CAST: variants seen among roughly 807,000 people sequenced by gnomAD.
CAST encodes the protein MIR583 host.
Under a neutral mutation model 119.6 loss-of-function variants are expected in CAST, and 76 were observed. The observed-to-expected ratio is 0.64, with a 90% CI of 0.53 to 0.77. The LOEUF is 0.77. CAST is among the 30% of genes least tolerant of loss of function. The probability of loss-of-function intolerance (pLI) is 0.00; values close to 1 mark genes in which losing one functional copy is unlikely to be tolerated. For missense variants in CAST, 953 were observed against 946.5 expected, an observed-to-expected ratio of 1.01 and a Z score of -0.09; for synonymous variants, 319 against 331.6, an observed-to-expected ratio of 0.96 and a Z score of 0.41.
chr5:95,990,862 C>G, the CAST span, among the ~76,000 whole-genome samples: 1 of 151,992 alleles, frequency 6.6e-6, no homozygotes, highest in South Asian at 2.1e-4. Context: ...CCTCAGCCAC[C>G]CAAAGCACTA....
chr5:96,258,855 T>C, the CAST span, among the ~76,000 whole-genome samples: 1 of 152,162 alleles, frequency 6.6e-6, no homozygotes, highest in African/African-American at 2.4e-5. Context: ...ATTTGAAGAG[T>C]ATAACAGGTG....
At chr5:96,375,928 AATAT>A in the CAST span, among the ~76,000 whole-genome samples, 1 of 145,126 alleles carries the variant, frequency 6.9e-6, no homozygotes, top group African/African-American at 2.6e-5. Flanking sequence ...TATAAATATA[AATAT>A]ATATAAATAT....
chr5:96,043,699 A>C, the CAST span, among the ~76,000 whole-genome samples: 2 of 152,116 alleles, frequency 1.3e-5, no homozygotes, highest in African/African-American at 4.8e-5. Context: ...TTCAGAAGCA[A>C]CTTCCCCACT....
the CAST span, among the ~76,000 whole-genome samples, chr5:96,062,835 G>A: frequency 2.0e-4 from 31 of 152,178 alleles, no homozygotes; most frequent in South Asian, 1.7e-3. Flanking sequence ...AACATGTCCC[G>A]CAGTGATGAG....
chr5:96,729,828 C>T, intron 8 of CAST, 103 bp downstream of exon 8: 1 of 659,412 alleles, frequency 1.5e-6, no homozygotes, highest in Non-Finnish European at 2.8e-6. Context: ...TGGGGCTGTG[C>T]TGAATATATT....
At chr5:96,551,699 G>A (rs1372123861) in intron 1 of CAST, among the ~76,000 whole-genome samples, 1 of 151,824 alleles carries the variant, frequency 6.6e-6, no homozygotes, top group African/African-American at 2.4e-5. Context: ...ACACACACAG[G>A]CTCAAAATAA....
At chr5:96,357,235 AG>A in the CAST span, among the ~76,000 whole-genome samples, 2 of 152,202 alleles carry the variant, frequency 1.3e-5, no homozygotes, top group Non-Finnish European at 2.9e-5. Context: ...TTTGGGGCTG[AG>A]ACAATGGGGT....
At chr5:96,447,248 C>G in the CAST span, among the ~76,000 whole-genome samples, 1 of 152,206 alleles carries the variant, frequency 6.6e-6, no homozygotes, top group Non-Finnish European at 1.5e-5. Flanking sequence ...CAGCTGAAAG[C>G]ATGCAGGCCC....
chr5:96,531,213 G>A (rs951932484), intron 1 of CAST, among the ~76,000 whole-genome samples: 4 of 152,216 alleles, frequency 2.6e-5, no homozygotes, highest in African/African-American at 7.2e-5. Context: ...GTGATTGAGT[G>A]TGACAGAGGA....
chr5:96,090,978 T>C, the CAST span, among the ~76,000 whole-genome samples: 2 of 152,044 alleles, frequency 1.3e-5, no homozygotes, highest in Middle Eastern at 3.2e-3. Context: ...TTTTGGAATA[T>C]GTTCCTGTGT....
the CAST span, among the ~76,000 whole-genome samples, chr5:96,003,315 G>A: frequency 5.3e-5 from 8 of 152,180 alleles, no homozygotes; most frequent in Non-Finnish European, 5.9e-5. Flanking sequence ...GAGGAGGGCA[G>A]ATCATGAGGT....
intron 1 of CAST, among the ~76,000 whole-genome samples, chr5:96,565,158 A>G (rs1398486174): frequency 6.6e-6 from 1 of 151,564 alleles, no homozygotes; most frequent in Non-Finnish European, 1.5e-5. Context: ...TTTAGAAGCA[A>G]TTAATAAAAA....
At chr5:96,141,883 G>A in the CAST span, among the ~76,000 whole-genome samples, 2 of 152,168 alleles carry the variant, frequency 1.3e-5, no homozygotes, top group Admixed American at 1.3e-4. Flanking sequence ...AGGGTGTGTA[G>A]CCGAGTATTT....
At chr5:96,163,677 A>T in the CAST span, among the ~76,000 whole-genome samples, 1 of 152,218 alleles carries the variant, frequency 6.6e-6, no homozygotes, top group Non-Finnish European at 1.5e-5. Flanking sequence ...ATCAAGACTT[A>T]GGACATCCTT....
chr5:96,734,902 A>G (rs956056448), intron 9 of CAST, among the ~76,000 whole-genome samples: 5 of 152,202 alleles, frequency 3.3e-5, no homozygotes, highest in African/African-American at 1.2e-4. Flanking sequence ...ATAGAAAAGA[A>G]TGAAGTAGGA....
At position 96,737,861 on chromosome 5, in the gene CAST, G is replaced by T; in HGVS notation, c.712G>T (p.Ala238Ser). 1 of 1,585,990 alleles carries T rather than the reference G, an allele frequency of 6.3e-7. No homozygotes were observed. Among genetic ancestry groups the T allele is most frequent in the Non-Finnish European group, 8.7e-7 (1 of 1,155,164 alleles). ...DKPSGKSGMD[A>S]ALDDLIDTLG... ...CTTTCTTTTCCAGTCAGGCATGGAT[G>T]CTGCTTTGGATGACTTAATAGATAC... Residue 238 changes from alanine (A) to serine (S), a missense_variant, in exon 11 of 32, where the codon GCT becomes TCT. Transcript: ENST00000675179.
chr5:96,473,459 T>G, the CAST span, among the ~76,000 whole-genome samples: 1 of 152,248 alleles, frequency 6.6e-6, no homozygotes, highest in African/African-American at 2.4e-5. Context: ...TTATGTCTGG[T>G]GCAACTGTTC....
chr5:95,990,856 A>G, the CAST span, among the ~76,000 whole-genome samples: 2 of 152,088 alleles, frequency 1.3e-5, no homozygotes, highest in African/African-American at 4.8e-5. Context: ...CTCCCACCTC[A>G]GCCACCCAAA....
At chr5:96,430,208 C>A in the CAST span, among the ~76,000 whole-genome samples, 1 of 152,172 alleles carries the variant, frequency 6.6e-6, no homozygotes, top group African/African-American at 2.4e-5. Context: ...TATCTATTGA[C>A]ATCTTTGGTT....
Sources: gnomAD v4.1 joint callset for allele counts (sites outside exome capture counted in the v4.1 genomes callset) on GRCh38, gnomAD v4.1.1 for gene constraint, MANE v1.5 for transcripts, NCBI Gene and HGNC (gene_info 2026-07-23, HGNC 2026-07-21) for gene names.